MAP3K15: variants seen among roughly 807,000 people sequenced by gnomAD.
The protein encoded by MAP3K15 is MAPK/ERK kinase kinase 15.
MAP3K15 carries 124 observed loss-of-function variants against 99.5 expected under a neutral mutation model. The ratio of observed to expected loss-of-function variants is 1.25; its 90% CI spans 1.08 to 1.45. The LOEUF (loss-of-function observed/expected upper bound fraction) is 1.45. MAP3K15 is among the 40% of genes most tolerant of loss of function. The pLI is 0.00. For missense variants in MAP3K15, 1,242 were observed against 1,079.7 expected (o/e 1.15, Z -2.11); for synonymous variants, 494 against 439.6 (o/e 1.12, Z -1.55).
At chrX:19,417,161 C>G (rs1199972260) in intron 9 of MAP3K15, among the ~76,000 whole-genome samples, 3 of 112,001 alleles carry the variant, frequency 2.7e-5, no homozygotes, top group Admixed American at 9.4e-5. Context: ...ACTGAGGTAC[C>G]AGGTACATCT....
At chrX:19,398,603 T>C (rs958769227) in intron 14 of MAP3K15, among the ~76,000 whole-genome samples, 5 of 111,739 alleles carry the variant, frequency 4.5e-5, no homozygotes, top group Non-Finnish European at 7.5e-5. Context: ...AAAAATATGG[T>C]TTGCATATAA....
At chrX:19,388,978 C>T (rs934479847) in intron 18 of MAP3K15, among the ~76,000 whole-genome samples, 3 of 111,922 alleles carry the variant, frequency 2.7e-5, no homozygotes, top group African/African-American at 9.8e-5. Flanking sequence ...ACGAAGTACC[C>T]ATACACACCA....
intron 6 of MAP3K15, among the ~76,000 whole-genome samples, chrX:19,455,109 G>C (rs1455993011): frequency 9.0e-6 from 1 of 110,852 alleles, no homozygotes; most frequent in Non-Finnish European, 1.9e-5. Context: ...TTAGTTTGTT[G>C]GAGAAAATGA....
At position 19,425,608 on chromosome X, in the gene MAP3K15, G is replaced by A. The variant is rs952391741; in HGVS notation, c.1362C>T (p.Ser454=). 7 of 1,197,273 alleles carry A rather than the reference G, an allele frequency of 5.8e-6. No individual in the cohort carries two copies. The highest frequency in any genetic ancestry group is 5.9e-5 in the East Asian group (2 of 33,763). ...NNYWDVGQFF[S]VSMLAHDVGK... is the part of the protein sequence containing the mutation. Reference sequence around the variant, plus strand: ...CGACATCATGGGCCAGCATGCTGACGCTGAAGAACTGACCCACATCCCAGT... The same window carrying A: ...CGACATCATGGGCCAGCATGCTGACACTGAAGAACTGACCCACATCCCAGT... Residue 454 remains serine (S), a synonymous_variant, in exon 9 of 29, where the codon AGC becomes AGT. Transcript: ENST00000338883.
intron 6 of MAP3K15, among the ~76,000 whole-genome samples, chrX:19,445,954 C>CAATCAATAAATA (rs1405912557): frequency 6.8e-5 from 7 of 103,595 alleles, no homozygotes; most frequent in African/African-American, 1.1e-4. Context: ...TCTCAAAAAT[C>CAATCAATAAATA]AATAAATAAA....
chrX:19,480,063 G>A (rs1055324629), intron 3 of MAP3K15, among the ~76,000 whole-genome samples: 2 of 111,945 alleles, frequency 1.8e-5, no homozygotes, highest in South Asian at 3.7e-4. Context: ...ATACACAGGA[G>A]TAAGTGTAAC....
chrX:19,514,996 C>G lies in MAP3K15; in HGVS notation c.266G>C (p.Arg89Pro). ...PEAGARQCLL[R>P]ACEAEGAHLT... is the part of the protein sequence containing the mutation. ...GTGAGCGCCCTCGGCCTCGCAGGCCCGCAGCAGGCACTGCCGCGCCCCAGC... is the reference window on the plus strand; with the variant it reads ...GTGAGCGCCCTCGGCCTCGCAGGCCGGCAGCAGGCACTGCCGCGCCCCAGC... Residue 89 changes from arginine to proline, a missense_variant, in exon 1 of 29, where the codon CGG (arginine) becomes CCG (proline). Coordinates refer to ENST00000338883, the MANE Select transcript of MAP3K15 (RefSeq NM_001001671.4). 9.0e-7 allele frequency: 1 copy of G among 1,116,181 alleles called. No individual in the cohort carries two copies. The highest frequency in any genetic ancestry group is 1.2e-6 in the Non-Finnish European group (1 of 853,867). 92.0% of individuals were successfully genotyped at this position (1,116,181 alleles called of 1,213,427 possible). A position where few individuals can be genotyped will look rare whatever the true frequency, so the allele number is the denominator to read the frequency against.
intron 6 of MAP3K15, among the ~76,000 whole-genome samples, chrX:19,438,671 G>A (rs2063939051): frequency 1.8e-5 from 2 of 111,830 alleles, no homozygotes; most frequent in Admixed American, 9.6e-5. Context: ...GTGTCTGTAA[G>A]AGGAAATTCA....
chrX:19,479,205 G>A (rs1428429421), intron 3 of MAP3K15, among the ~76,000 whole-genome samples: 1 of 111,668 alleles, frequency 9.0e-6, no homozygotes, highest in Non-Finnish European at 1.9e-5. Context: ...CCAGTTTCTG[G>A]GAGCTCGTTA....
chrX:19,476,132 A>AC lies in MAP3K15; in HGVS notation c.525+10349_525+10350insG, dbSNP rs771351205. Among the ~76,000 whole-genome samples, 5 of 112,395 alleles carry AC rather than the reference A, an allele frequency of 4.4e-5. No homozygotes were observed. The South Asian group carries it at 1.8e-3, about 41-fold the overall frequency. On this transcript the variant is annotated intron_variant, in intron 3 of 28. Coordinates refer to ENST00000338883, the MANE Select transcript of MAP3K15 (RefSeq NM_001001671.4). ...AGACTTGTGGCTTGGCCTTCCAGAA[A>AC]ACATCTTTTATAATGATACAAACAT...
At chrX:19,470,034 A>G (rs1216015797) in intron 3 of MAP3K15, among the ~76,000 whole-genome samples, 1 of 111,700 alleles carries the variant, frequency 9.0e-6, no homozygotes, top group Non-Finnish European at 1.9e-5. Flanking sequence ...CATTTGACCC[A>G]GCCATCCCAT....
intron 3 of MAP3K15, among the ~76,000 whole-genome samples, chrX:19,482,777 C>CA (rs202222697): frequency 9.1e-6 from 1 of 109,741 alleles, no homozygotes; most frequent in Non-Finnish European, 1.9e-5. Context: ...TAAAGCATTT[C>CA]AAAAAAACAA....
intron 13 of MAP3K15, among the ~76,000 whole-genome samples, chrX:19,405,474 G>A (rs1220837868): frequency 6.2e-5 from 7 of 112,372 alleles, no homozygotes; most frequent in African/African-American, 2.3e-4. Context: ...AAAGACTGAT[G>A]ATGAACTCTT....
chrX:19,497,643 T>G (rs1185928243), intron 1 of MAP3K15: 1 of 111,294 alleles, frequency 9.0e-6, no homozygotes, highest in East Asian at 2.8e-4. Context: ...TTCATTTCCT[T>G]TTTGTCCCAT....
chrX:19,430,369 T>C (rs996115814), intron 7 of MAP3K15, among the ~76,000 whole-genome samples: 1 of 111,458 alleles, frequency 9.0e-6, no homozygotes, highest in African/African-American at 3.3e-5. Context: ...GCCAAATGTG[T>C]ACGGGGTCAT....
At chrX:19,363,139 C>T (rs2063306411) in intron 25 of MAP3K15, among the ~76,000 whole-genome samples, 1 of 111,973 alleles carries the variant, frequency 8.9e-6, no homozygotes, top group Non-Finnish European at 1.9e-5. Flanking sequence ...GCCCCTCACC[C>T]GGCCCAAGTT....
At chrX:19,494,877 T>TAAAAAAAAAAAAAA (rs1330420764) in intron 1 of MAP3K15, among the ~76,000 whole-genome samples, 23 of 82,963 alleles carry the variant, frequency 2.8e-4, no homozygotes, top group African/African-American at 6.3e-4. Flanking sequence ...AAAGCTACCT[T>TAAAAAAAAAAAAAA]TAAAAAAAAA....
At chrX:19,463,707 TAA>T (rs1364290261) in intron 4 of MAP3K15, among the ~76,000 whole-genome samples, 5 of 111,045 alleles carry the variant, frequency 4.5e-5, no homozygotes, top group Non-Finnish European at 7.5e-5. Flanking sequence ...AACCTAAATC[TAA>T]AGAGAACACA....
chrX:19,452,743 T>C (rs1361571230), intron 6 of MAP3K15, among the ~76,000 whole-genome samples: 1 of 112,396 alleles, frequency 8.9e-6, no homozygotes, highest in African/African-American at 3.2e-5. Context: ...AGACAAACCC[T>C]GTACAAGGTT....
Sources: gnomAD v4.1 joint callset for allele counts (sites outside exome capture counted in the v4.1 genomes callset) on GRCh38, gnomAD v4.1.1 for gene constraint, MANE v1.5 for transcripts, NCBI Gene and HGNC (gene_info 2026-07-23, HGNC 2026-07-21) for gene names.